The following ABLIM1 variants were observed in gnomAD, a reference collection of about 807,000 sequenced individuals.
ABLIM1 encodes actin-binding LIM protein 1.
In ABLIM1, 40 loss-of-function variants were observed where a neutral mutation model predicts 107.0. The ratio of observed to expected loss-of-function variants is 0.37; its 90% CI spans 0.29 to 0.49. The LOEUF is 0.49. Ranked by LOEUF, ABLIM1 falls within the 20% of genes least tolerant of loss-of-function variation. The pLI, the probability that ABLIM1 is intolerant of heterozygous loss-of-function variation, is 0.97. For synonymous variants in ABLIM1, 357 were observed against 357.3 expected (o/e 1.00, Z 0.01); for missense variants, 857 against 1,008.5 (o/e 0.85, Z 2.04).
At chr10:114,731,851 C>G (rs538813385) in intron 1 of ABLIM1, among the ~76,000 whole-genome samples, 17 of 152,272 alleles carry the variant, frequency 1.1e-4, no homozygotes, top group African/African-American at 3.8e-4. Flanking sequence ...CTCAAATGAT[C>G]CACCTGCCTC....
chr10:114,688,008 C>T (rs2080983211), upstream of ABLIM1, among the ~76,000 whole-genome samples: 1 of 151,990 alleles, frequency 6.6e-6, no homozygotes, highest in Non-Finnish European at 1.5e-5. Flanking sequence ...AGAGCAGTTT[C>T]CAGAACTATT....
intron 1 of ABLIM1, among the ~76,000 whole-genome samples, chr10:114,700,338 C>T (rs1326213745): frequency 6.6e-6 from 1 of 152,052 alleles, no homozygotes; most frequent in Non-Finnish European, 1.5e-5. Flanking sequence ...TTATAAGGTT[C>T]AATATATAAG....
At chr10:114,682,733 C>T (rs1463010968) in intron 1 of ABLIM1, among the ~76,000 whole-genome samples, 2 of 152,046 alleles carry the variant, frequency 1.3e-5, no homozygotes, top group Non-Finnish European at 2.9e-5. Flanking sequence ...TAAAAATATG[C>T]CACGGAGTAG....
intron 1 of ABLIM1, among the ~76,000 whole-genome samples, chr10:114,676,068 A>G (rs2080468080): frequency 6.6e-6 from 1 of 152,228 alleles, no homozygotes; most frequent in Admixed American, 6.5e-5. Context: ...TTAGGACTTC[A>G]GCGTCCTTTG....
chr10:114,690,320 T>G (rs1196004430), intron 1 of ABLIM1: 2 of 1,598,384 alleles, frequency 1.3e-6, no homozygotes, highest in African/African-American at 2.7e-5. Flanking sequence ...GGGAACCGTT[T>G]GTGTTGGGTC....
chr10:114,436,355 C>T lies in ABLIM1; in HGVS notation c.2242G>A (p.Val748Met). The stretch of plus-strand genomic sequence containing the variant: ...GACATTCCAAAGATTTCCCGAAACA[C>T]TTCAGGGGCTAAGTGGCGCTGGGAA... Reference protein sequence around the residue: ...TRLERHLAPEVFREIFGMSIQ... With the variant: ...TRLERHLAPEMFREIFGMSIQ... The change falls in exon 23 of 23, where the codon GTG (valine) becomes ATG (methionine). Residue 748 changes from valine (V) to methionine (M), a missense_variant. By Grantham distance (21) the Val-to-Met change is conservative. Around this residue, in one of 5 missense-constraint regions of ABLIM1, gnomAD observed 193 missense variants for 208.5 expected, o/e 0.93. Coordinates refer to ENST00000533213, the MANE Select transcript of ABLIM1 (RefSeq NM_002313.7). The T allele has an allele frequency of 6.2e-7, 1 of 1,613,426 alleles. No individual in the cohort carries two copies. The highest frequency in any genetic ancestry group is 1.3e-5 in the African/African-American group (1 of 74,886).
chr10:114,747,589 A>AT, intron 1 of ABLIM1, among the ~76,000 whole-genome samples: 1 of 152,310 alleles, frequency 6.6e-6, no homozygotes, highest in Non-Finnish European at 1.5e-5. Flanking sequence ...TCGAAAATGG[A>AT]TTTGATAGTT....
At chr10:114,769,563 GAAGA>G (rs142961278), upstream of ABLIM1, among the ~76,000 whole-genome samples, 73,871 of 147,978 alleles carry the variant, frequency 0.5, 19,756 homozygotes, top group Non-Finnish European at 0.6. Context: ...AAAGAGAAGG[GAAGA>G]AAGAAAGAAA....
Position 114,468,170 on chromosome 10 carries a change from A to G in ABLIM1, c.1311+11T>C. On this transcript the variant is annotated intron_variant, in intron 11 of 22. Transcript: ENST00000533213. ...CCACCCATTAAAATGATAAAAAGAA[A>G]TGGTACTTACTTCTGCTGATGGAGT... 1.9e-6 allele frequency: 3 copies of G among 1,611,374 alleles called. No homozygotes were observed. Among genetic ancestry groups the G allele is most frequent in the Non-Finnish European group, 2.5e-6 (3 of 1,177,500 alleles).
At chr10:114,471,583 C>G (rs1332132606) in intron 10 of ABLIM1, among the ~76,000 whole-genome samples, 3 of 152,092 alleles carry the variant, frequency 2.0e-5, no homozygotes, top group African/African-American at 7.2e-5. Context: ...GATATCACTT[C>G]CTGCCACAGG....
At chr10:114,571,222 A>T in intron 4 of ABLIM1, 75 bp downstream of exon 4, 3 of 1,316,148 alleles carry the variant, frequency 2.3e-6, no homozygotes, top group Non-Finnish European at 3.3e-6. Flanking sequence ...AGCGTTTCTC[A>T]AAAAGGAAGG....
intron 1 of ABLIM1, among the ~76,000 whole-genome samples, chr10:114,708,899 T>C (rs1465606232): frequency 6.6e-6 from 1 of 152,216 alleles, no homozygotes; most frequent in Non-Finnish European, 1.5e-5. Flanking sequence ...TTAATCACCA[T>C]CTTTTAAGAT....
At chr10:114,798,565 C>CT in the ABLIM1 span, among the ~76,000 whole-genome samples, 1 of 146,900 alleles carries the variant, frequency 6.8e-6, no homozygotes, top group African/African-American at 2.6e-5. Context: ...GACCCCCCCC[C>CT]CATGTCTACA....
At chr10:114,760,290 G>C (rs556207849) in intron 1 of ABLIM1, among the ~76,000 whole-genome samples, 1 of 151,998 alleles carries the variant, frequency 6.6e-6, no homozygotes, top group East Asian at 1.9e-4. Flanking sequence ...GTTTTGGGGA[G>C]GAGGGAAGAG....
At chr10:114,455,813 T>TTC (rs1491277774) in intron 12 of ABLIM1, among the ~76,000 whole-genome samples, 1 of 45,964 alleles carries the variant, frequency 2.2e-5, no homozygotes, top group Non-Finnish European at 5.6e-5. Context: ...AAACTGCAAC[T>TTC]TTTTTTTTTT....
intron 1 of ABLIM1, among the ~76,000 whole-genome samples, chr10:114,735,526 G>A (rs532541019): frequency 6.6e-6 from 1 of 152,330 alleles, no homozygotes; most frequent in Admixed American, 6.5e-5. Flanking sequence ...CTGGAGTGCA[G>A]TGGCGCGATC....
rs1350640506 is a variant in ABLIM1 at position 114,440,986 on chromosome 10, G to A, written c.2059+31C>T. Reference sequence around the variant, plus strand: ...AACCTCAGCCTCGAGGGAAGACGTGGCCATGCTCAGCCTGGCCATGGGAGC... The same window carrying A: ...AACCTCAGCCTCGAGGGAAGACGTGACCATGCTCAGCCTGGCCATGGGAGC... On this transcript the variant is annotated intron_variant, in intron 19 of 22. Transcript: ENST00000533213. The A allele has an allele frequency of 1.9e-6, 3 of 1,570,204 alleles. No homozygotes were observed. In the African/African-American group the frequency reaches 4.0e-5, roughly 21 times the overall value.
chr10:114,490,151 C>A (rs990983502), intron 7 of ABLIM1, among the ~76,000 whole-genome samples: 3 of 152,182 alleles, frequency 2.0e-5, no homozygotes, highest in African/African-American at 7.2e-5. Context: ...CAAAGTGACA[C>A]CTGCCTATTG....
At chr10:114,788,204 G>A in the ABLIM1 span, among the ~76,000 whole-genome samples, 5 of 150,196 alleles carry the variant, frequency 3.3e-5, no homozygotes, top group South Asian at 4.2e-4. Flanking sequence ...GAAGGCTGCA[G>A]GGTCCTCTGC....
Sources: gnomAD v4.1 joint callset for allele counts (sites outside exome capture counted in the v4.1 genomes callset) on GRCh38, gnomAD v4.1.1 for gene constraint, gnomAD v4.1.1 regional missense constraint, MANE v1.5 for transcripts, NCBI Gene and HGNC (gene_info 2026-07-23, HGNC 2026-07-21) for gene names.